The following ANKH variants were observed in gnomAD, a reference collection of about 807,000 sequenced individuals.
ANKH encodes ANKH inorganic pyrophosphate transport regulator, also known as mineralization regulator ANKH.
ANKH carries 15 observed loss-of-function variants against 49.0 expected under a neutral mutation model. The ratio of observed to expected loss-of-function variants is 0.31; its 90% CI spans 0.20 to 0.47. The LOEUF (loss-of-function observed/expected upper bound fraction) is 0.47, where lower values mean the gene tolerates loss of function less well. Among genes scored for constraint, ANKH ranks in the 20% least tolerant of loss-of-function variants. The probability of loss-of-function intolerance (pLI) is 1.00; values close to 1 mark genes in which losing one functional copy is unlikely to be tolerated. For missense variants in ANKH, 429 were observed against 652.0 expected, an observed-to-expected ratio of 0.66 and a Z score of 3.72; for synonymous variants, 273 against 260.0, an observed-to-expected ratio of 1.05 and a Z score of -0.48.
intron 1 of ANKH, among the ~76,000 whole-genome samples, chr5:14,815,025 G>A (rs1580089559): frequency 6.6e-6 from 1 of 152,190 alleles, no homozygotes. Context: ...CCTTGAAGTT[G>A]GTTCTCACCC....
intron 8 of ANKH, among the ~76,000 whole-genome samples, chr5:14,739,643 A>G (rs1341050915): frequency 2.0e-5 from 3 of 152,214 alleles, no homozygotes; most frequent in Non-Finnish European, 1.5e-5. Flanking sequence ...CTAAGGGCCA[A>G]TATTTGTTCC....
intron 1 of ANKH, among the ~76,000 whole-genome samples, chr5:14,829,184 C>CAA (rs56223225): frequency 0.014 from 1,459 of 105,488 alleles, 67 homozygotes; most frequent in African/African-American, 0.04. Context: ...GACTCTGTCT[C>CAA]AAAAAAAAAA....
intron 1 of ANKH, among the ~76,000 whole-genome samples, chr5:14,858,608 C>A (rs1003193374): frequency 4.6e-5 from 7 of 151,716 alleles, no homozygotes; most frequent in African/African-American, 1.7e-4. Context: ...CCCAGCTACT[C>A]GGGAGGCTGA....
intron 3 of ANKH, among the ~76,000 whole-genome samples, chr5:14,757,433 T>A (rs1324306255): frequency 0.025 from 3,024 of 123,208 alleles, 50 homozygotes; most frequent in African/African-American, 0.064. Context: ...TATATATATT[T>A]TTTTTTTTTT....
At chr5:14,753,025 C>A (rs547962947) in intron 4 of ANKH, among the ~76,000 whole-genome samples, 1 of 152,052 alleles carries the variant, frequency 6.6e-6, no homozygotes, top group African/African-American at 2.4e-5. Context: ...AAACGATGCA[C>A]GAGAAAGCAG....
At chr5:14,825,108 GA>G (rs1741302951) in intron 1 of ANKH, among the ~76,000 whole-genome samples, 1 of 151,848 alleles carries the variant, frequency 6.6e-6, no homozygotes, top group Non-Finnish European at 1.5e-5. Flanking sequence ...AAATATTGAG[GA>G]ATAGGTGCTT....
chr5:14,830,962 T>C (rs1741488288), intron 1 of ANKH, among the ~76,000 whole-genome samples: 1 of 152,216 alleles, frequency 6.6e-6, no homozygotes, highest in Admixed American at 6.5e-5. Context: ...AGGTGCCCCA[T>C]GTGGAATCCC....
In ANKH at chr5:14,709,690, C is replaced by T. The variant is rs1228113093; in HGVS notation, c.*1507G>A. 6.6e-6 allele frequency: 1 copy of T among 152,600 alleles called. No homozygotes were observed. The highest frequency in any genetic ancestry group is 1.5e-5 in the Non-Finnish European group (1 of 68,030). 9.5% of individuals were successfully genotyped at this position (152,600 alleles called of 1,614,324 possible). ...TACCCATAATGAAAAATAGTTCTGT[C>T]ATTTACTGAGCCTTACATTCAAATG... On this transcript the variant is annotated 3_prime_UTR_variant, in exon 12 of 12. Coordinates refer to ENST00000284268, the MANE Select transcript of ANKH (RefSeq NM_054027.6).
chr5:14,787,150 C>A, intron 1 of ANKH, among the ~76,000 whole-genome samples: 1 of 152,078 alleles, frequency 6.6e-6, no homozygotes, highest in East Asian at 1.9e-4. Context: ...CCCGTCTCTA[C>A]TAAAAATACA....
At position 14,713,488 on chromosome 5, in the gene ANKH, GAC is replaced by G; in HGVS notation, c.1265+54_1265+55del. ...TGAAAATGTAGCTGTTAAACCTCTG[GAC>G]ACAGTATTGAAGTGGCAGAAGGACC... On this transcript the variant is annotated intron_variant, in intron 10 of 11. Coordinates refer to ENST00000284268, the MANE Select transcript of ANKH (RefSeq NM_054027.6). The surrounding 1 kb of genome is among the most constrained non-coding windows in gnomAD (Gnocchi z 4.4). 6.2e-7 allele frequency: 1 copy of G among 1,608,480 alleles called. No individual in the cohort carries two copies. Among genetic ancestry groups the G allele is most frequent in the Non-Finnish European group, 8.5e-7 (1 of 1,176,662 alleles).
intron 1 of ANKH, among the ~76,000 whole-genome samples, chr5:14,856,637 T>C (rs1735261966): frequency 1.9e-5 from 2 of 108,036 alleles, no homozygotes; most frequent in African/African-American, 7.3e-5. Flanking sequence ...TTTTCTCCGA[T>C]ACAGACTCGA....
chr5:14,806,350 G>A (rs1327924616), intron 1 of ANKH, among the ~76,000 whole-genome samples: 1 of 151,354 alleles, frequency 6.6e-6, no homozygotes, highest in Admixed American at 6.6e-5. Flanking sequence ...ATCCATAGAA[G>A]CCTACTGCTT....
At chr5:14,870,238 G>A (rs1464935171) in intron 1 of ANKH, 1 of 152,190 alleles carries the variant, frequency 6.6e-6, no homozygotes, top group Non-Finnish European at 1.5e-5. Flanking sequence ...CTACATATTA[G>A]AGAGCTTACA....
At chr5:14,871,225 T>TG (rs1231671876) in intron 1 of ANKH, 127 bp downstream of exon 1, 1 of 817,784 alleles carries the variant, frequency 1.2e-6, no homozygotes, top group African/African-American at 1.7e-5. Context: ...CTTGACAAGC[T>TG]GCACACCCGA....
intron 2 of ANKH, among the ~76,000 whole-genome samples, chr5:14,761,508 G>A (rs1222153878): frequency 2.6e-5 from 4 of 152,164 alleles, no homozygotes; most frequent in Non-Finnish European, 4.4e-5. Flanking sequence ...ACTCATCTGA[G>A]TAAGGGCATC....
intron 1 of ANKH, among the ~76,000 whole-genome samples, chr5:14,789,681 CAA>C (rs1477173496): frequency 6.6e-6 from 1 of 152,124 alleles, no homozygotes; most frequent in African/African-American, 2.4e-5. Flanking sequence ...AAGAATAAAA[CAA>C]TGATAATTTT....
At chr5:14,834,736 G>A (rs769958758) in intron 1 of ANKH, among the ~76,000 whole-genome samples, 73 of 152,252 alleles carry the variant, frequency 4.8e-4, no homozygotes, top group African/African-American at 1.6e-3. Flanking sequence ...AGCAGAGATC[G>A]CGCCACTACA....
intron 8 of ANKH, among the ~76,000 whole-genome samples, chr5:14,731,743 T>C (rs1738009764): frequency 6.6e-6 from 1 of 152,234 alleles, no homozygotes; most frequent in African/African-American, 2.4e-5. Context: ...GGGTCTCATG[T>C]TTATCCTGAG....
intron 8 of ANKH, among the ~76,000 whole-genome samples, chr5:14,732,195 T>C (rs1738026263): frequency 6.6e-6 from 1 of 152,220 alleles, no homozygotes; most frequent in African/African-American, 2.4e-5. Flanking sequence ...TTGTGTTCAC[T>C]GCAGCTTGAT....
Sources: gnomAD v4.1 joint callset for allele counts (sites outside exome capture counted in the v4.1 genomes callset) on GRCh38, gnomAD v4.1.1 for gene constraint, Gnocchi (gnomAD v3.1) non-coding constraint, MANE v1.5 for transcripts, NCBI Gene and HGNC (gene_info 2026-07-23, HGNC 2026-07-21) for gene names.